RARB: variants seen among roughly 807,000 people sequenced by gnomAD.
RARB encodes HBV-activated protein.
RARB carries 17 observed loss-of-function variants against 51.9 expected under a neutral mutation model. The ratio of observed to expected loss-of-function variants is 0.33; its 90% CI spans 0.22 to 0.49. The LOEUF is 0.49. Ranked by LOEUF, RARB falls within the 20% of genes least tolerant of loss-of-function variation. RARB has a pLI of 0.99. For missense variants in RARB, 369 were observed against 550.8 expected, an observed-to-expected ratio of 0.67 and a Z score of 3.30; for synonymous variants, 215 against 195.4, an observed-to-expected ratio of 1.10 and a Z score of -0.84.
intron 2 of RARB, among the ~76,000 whole-genome samples, chr3:24,922,215 C>T (rs140683416): frequency 1.3e-5 from 2 of 152,282 alleles, no homozygotes; most frequent in Admixed American, 1.3e-4. Context: ...TCTGTATAAA[C>T]CTGTAAAATG....
At chr3:24,887,295 C>G (rs917981882) in intron 2 of RARB, among the ~76,000 whole-genome samples, 3 of 152,188 alleles carry the variant, frequency 2.0e-5, no homozygotes, top group African/African-American at 7.2e-5. Context: ...TATAAGCTAT[C>G]CTCTCAATGA....
chr3:25,240,972 T>C (rs1186899266), intron 5 of RARB, among the ~76,000 whole-genome samples: 3 of 152,186 alleles, frequency 2.0e-5, no homozygotes, highest in African/African-American at 7.2e-5. Context: ...TTTTCTTTAT[T>C]GAGAAGTTAT....
chr3:25,157,346 G>A (rs1417788073), intron 4 of RARB, among the ~76,000 whole-genome samples: 1 of 106,100 alleles, frequency 9.4e-6, no homozygotes, highest in Non-Finnish European at 1.9e-5. Flanking sequence ...CTGAGTGTGT[G>A]TGTTTGTGTG....
At chr3:25,498,218 G>A (rs1697133112) in intron 2 of RARB, among the ~76,000 whole-genome samples, 2 of 152,098 alleles carry the variant, frequency 1.3e-5, no homozygotes, top group South Asian at 4.1e-4. Context: ...AACCTAAATT[G>A]AAATATTAGC....
intron 2 of RARB, among the ~76,000 whole-genome samples, chr3:24,907,139 G>A (rs1235324786): frequency 6.6e-6 from 1 of 152,142 alleles, no homozygotes; most frequent in Non-Finnish European, 1.5e-5. Context: ...ACTTACGGTA[G>A]TTGAAGCCAG....
chr3:25,443,040 G>C (rs964106575), intron 1 of RARB, among the ~76,000 whole-genome samples: 2 of 152,044 alleles, frequency 1.3e-5, no homozygotes, highest in Non-Finnish European at 2.9e-5. Flanking sequence ...GCTCTCCCCC[G>C]GGTGCCTCCT....
intron 2 of RARB, among the ~76,000 whole-genome samples, chr3:24,991,370 G>C (rs1284900683): frequency 6.6e-6 from 1 of 151,588 alleles, no homozygotes; most frequent in African/African-American, 2.4e-5. Context: ...TTGAACCTGG[G>C]AGGTAGAGGT....
chr3:25,540,177 CA>C (rs1259991226), intron 3 of RARB, among the ~76,000 whole-genome samples: 1 of 152,132 alleles, frequency 6.6e-6, no homozygotes, highest in Non-Finnish European at 1.5e-5. Flanking sequence ...AGTAATTGAT[CA>C]ATTCCTTCCT....
chr3:25,300,051 G>A (rs1283801871), intron 5 of RARB, among the ~76,000 whole-genome samples: 2 of 152,156 alleles, frequency 1.3e-5, no homozygotes, highest in Non-Finnish European at 2.9e-5. Context: ...TTTAAGCATA[G>A]TCTTCGTAGT....
At chr3:25,522,394 C>G (rs1195161452) in intron 3 of RARB, among the ~76,000 whole-genome samples, 1 of 152,138 alleles carries the variant, frequency 6.6e-6, no homozygotes, top group African/African-American at 2.4e-5. Flanking sequence ...AATATACACC[C>G]ATCACCCTCC....
At chr3:25,042,215 T>C (rs1449827995) in intron 2 of RARB, among the ~76,000 whole-genome samples, 1 of 152,262 alleles carries the variant, frequency 6.6e-6, no homozygotes, top group African/African-American at 2.4e-5. Flanking sequence ...CTATTTTTAC[T>C]ATTTTTAAAA....
At chr3:25,219,555 G>T (rs946874797) in intron 5 of RARB, among the ~76,000 whole-genome samples, 5 of 152,170 alleles carry the variant, frequency 3.3e-5, no homozygotes, top group Non-Finnish European at 5.9e-5. Context: ...AGAAGGGAGT[G>T]GGGAGGGAAG....
chr3:25,016,259 C>T (rs891929216), intron 2 of RARB, among the ~76,000 whole-genome samples: 1 of 152,174 alleles, frequency 6.6e-6, no homozygotes, highest in Middle Eastern at 3.2e-3. Flanking sequence ...ACTATACTAA[C>T]TCATGTCCAA....
chr3:25,414,121 A>G (rs1040560890), intron 5 of RARB, among the ~76,000 whole-genome samples: 1 of 152,074 alleles, frequency 6.6e-6, no homozygotes, highest in Non-Finnish European at 1.5e-5. Context: ...TTGCTGCCAC[A>G]TATATTAGAT....
intron 5 of RARB, among the ~76,000 whole-genome samples, chr3:25,374,096 A>G (rs1706385102): frequency 6.6e-6 from 1 of 152,194 alleles, no homozygotes; most frequent in South Asian, 2.1e-4. Context: ...CAGAGGCCCA[A>G]GAGTCATGAG....
At chr3:25,585,856 A>G (rs1219292686) in intron 5 of RARB, among the ~76,000 whole-genome samples, 3 of 152,188 alleles carry the variant, frequency 2.0e-5, no homozygotes, top group Non-Finnish European at 4.4e-5. Context: ...CAGCTAGTAA[A>G]CAGTGGAGCC....
intron 2 of RARB, among the ~76,000 whole-genome samples, chr3:24,885,037 G>A (rs771450075): frequency 6.6e-5 from 10 of 152,120 alleles, no homozygotes; most frequent in South Asian, 2.1e-4. Flanking sequence ...GGACCTTGAC[G>A]ATTTTAGCCT....
At chr3:24,877,486 G>T (rs1437803298) in intron 2 of RARB, among the ~76,000 whole-genome samples, 1 of 151,568 alleles carries the variant, frequency 6.6e-6, no homozygotes, top group Non-Finnish European at 1.5e-5. Flanking sequence ...GGCTATAAAA[G>T]AAACAGTTAT....
intron 3 of RARB, among the ~76,000 whole-genome samples, chr3:25,514,285 G>A (rs1698048811): frequency 6.6e-6 from 1 of 152,100 alleles, no homozygotes; most frequent in Non-Finnish European, 1.5e-5. Context: ...AATATTAACT[G>A]TCATGGTTAG....
Sources: allele counts gnomAD v4.1 joint callset (sites outside exome capture counted in the v4.1 genomes callset), GRCh38; gene constraint gnomAD v4.1.1; transcripts MANE v1.5; gene names NCBI Gene and HGNC (gene_info 2026-07-23, HGNC 2026-07-21).